Variants in MAGI2 observed in about 807,000 individuals in gnomAD.
MAGI2 encodes membrane associated guanylate kinase, WW and PDZ domain containing 2.
Under a neutral mutation model 133.3 loss-of-function variants are expected in MAGI2, and 35 were observed. The observed-to-expected ratio is 0.26, with a 90% CI of 0.20 to 0.35. MAGI2 has a LOEUF of 0.35. Among genes scored for constraint, MAGI2 ranks in the 10% least tolerant of loss-of-function variants. The pLI is 1.00. For synonymous variants in MAGI2, 729 were observed against 710.6 expected (o/e 1.03, Z -0.41); for missense variants, 1,636 against 1,863.4 (o/e 0.88, Z 2.25).
chr7:78,686,560 G>A (rs1216733947), intron 2 of MAGI2, among the ~76,000 whole-genome samples: 48 of 136,550 alleles, frequency 3.5e-4, no homozygotes, highest in Admixed American at 4.4e-4. Flanking sequence ...GAGGAAAGTG[G>A]AAAAAAAAAA....
rs4730752 is a variant in MAGI2, at chr7:79,275,255, A to C, written c.301+177765T>G. ...AGGAAAAGTTCTTGAAGAAAATTTA[A>C]AGTGCTACTCCAGTGAACATACAAA... On this transcript the variant is annotated intron_variant, in intron 1 of 21. Coordinates refer to ENST00000354212, the MANE Select transcript of MAGI2 (RefSeq NM_012301.4). 7.9e-5 allele frequency among the ~76,000 whole-genome samples: 12 copies of C among 152,308 alleles called. No individual in the cohort carries two copies. In the East Asian group the frequency reaches 1.7e-3, roughly 22 times the overall value.
chr7:78,889,661 T>C (rs1796573848), intron 2 of MAGI2, among the ~76,000 whole-genome samples: 1 of 152,144 alleles, frequency 6.6e-6, no homozygotes, highest in Non-Finnish European at 1.5e-5. Context: ...TAAAATACTT[T>C]ACAGACAAGC....
intron 3 of MAGI2, among the ~76,000 whole-genome samples, chr7:78,547,915 A>G (rs954390028): frequency 2.6e-5 from 4 of 152,234 alleles, no homozygotes; most frequent in Non-Finnish European, 5.9e-5. Flanking sequence ...ATTTCAATGG[A>G]CTGACCTTAG....
At chr7:79,261,179 C>A (rs1240344991) in intron 1 of MAGI2, among the ~76,000 whole-genome samples, 1 of 152,140 alleles carries the variant, frequency 6.6e-6, no homozygotes, top group African/African-American at 2.4e-5. Flanking sequence ...AGCCCAAGAA[C>A]CTGGATTGAA....
intron 16 of MAGI2, among the ~76,000 whole-genome samples, chr7:78,145,934 A>C (rs1823270397): frequency 6.6e-6 from 1 of 152,094 alleles, no homozygotes; most frequent in South Asian, 2.1e-4. Flanking sequence ...AAGCACCATC[A>C]CATTGGGAAT....
intron 2 of MAGI2, among the ~76,000 whole-genome samples, chr7:78,972,699 T>G (rs933341760): frequency 2.0e-5 from 3 of 151,916 alleles, no homozygotes; most frequent in Non-Finnish European, 4.4e-5. Flanking sequence ...ATCTACAAAT[T>G]TTGTTATAAA....
chr7:78,220,729 C>A (rs1042448016), intron 10 of MAGI2, among the ~76,000 whole-genome samples: 1 of 152,120 alleles, frequency 6.6e-6, no homozygotes, highest in Non-Finnish European at 1.5e-5. Flanking sequence ...TTTGCCCAAA[C>A]GCATCCATTT....
At chr7:78,578,514 A>G (rs769280674) in intron 3 of MAGI2, among the ~76,000 whole-genome samples, 34 of 152,328 alleles carry the variant, frequency 2.2e-4, no homozygotes, top group Non-Finnish European at 4.4e-4. Flanking sequence ...AAAAGGCAAA[A>G]GAGGAAGAAC....
At chr7:78,070,598 ATATATGTG>A (rs373514772) in intron 21 of MAGI2, among the ~76,000 whole-genome samples, 54,503 of 130,718 alleles carry the variant, frequency 0.42, 11,820 homozygotes, top group East Asian at 0.64. Flanking sequence ...ATATATGTGT[ATATATGTG>A]TATATATATA....
intron 1 of MAGI2, among the ~76,000 whole-genome samples, chr7:79,401,920 G>A (rs891790729): frequency 1.3e-5 from 2 of 152,020 alleles, no homozygotes; most frequent in Non-Finnish European, 2.9e-5. Flanking sequence ...TTTAATTAAA[G>A]TATGCCTCAA....
chr7:78,931,858 G>T (rs545187629), intron 2 of MAGI2, among the ~76,000 whole-genome samples: 15 of 152,016 alleles, frequency 9.9e-5, no homozygotes, highest in Non-Finnish European at 1.9e-4. Context: ...CTACTTTTAA[G>T]TACAGGTTGA....
intron 2 of MAGI2, among the ~76,000 whole-genome samples, chr7:78,909,445 C>A (rs201287997): frequency 0.031 from 4,116 of 130,828 alleles, 80 homozygotes; most frequent in Non-Finnish European, 0.05. Flanking sequence ...AAAAAAAAAA[C>A]AAAAAAAATT....
At chr7:79,190,391 T>C (rs564118918) in intron 1 of MAGI2, among the ~76,000 whole-genome samples, 1 of 152,022 alleles carries the variant, frequency 6.6e-6, no homozygotes, top group African/African-American at 2.4e-5. Flanking sequence ...TGAGCATCGT[T>C]TCATATGCTT....
intron 20 of MAGI2, among the ~76,000 whole-genome samples, chr7:78,123,533 C>T (rs937650612): frequency 2.6e-5 from 4 of 152,266 alleles, no homozygotes; most frequent in East Asian, 1.9e-4. Context: ...TACTTGAACA[C>T]GGGCAGTGCG....
chr7:78,732,033 G>A (rs1821411631), intron 2 of MAGI2, among the ~76,000 whole-genome samples: 1 of 151,938 alleles, frequency 6.6e-6, no homozygotes, highest in Admixed American at 6.6e-5. Context: ...TTAAAAGCAA[G>A]CAATAAAACA....
rs886651578 is a variant in MAGI2 at position 79,284,287 on chromosome 7, C to A, written c.301+168733G>T. 1.3e-5 allele frequency among the ~76,000 whole-genome samples: 2 copies of A among 152,022 alleles called. 1 individual carries two copies. The highest frequency in any genetic ancestry group is 2.9e-5 in the Non-Finnish European group (2 of 67,962). ...TCCATGATAGCTGGAATCTTCAGAGCCCAACTCATTCCCATAATAAATCCA... is the reference window on the plus strand; with the variant it reads ...TCCATGATAGCTGGAATCTTCAGAGACCAACTCATTCCCATAATAAATCCA... On this transcript the variant is annotated intron_variant, in intron 1 of 21. Coordinates refer to ENST00000354212, the MANE Select transcript of MAGI2 (RefSeq NM_012301.4).
At chr7:78,124,821 A>G (rs974254802) in intron 20 of MAGI2, among the ~76,000 whole-genome samples, 1 of 151,728 alleles carries the variant, frequency 6.6e-6, no homozygotes, top group African/African-American at 2.4e-5. Flanking sequence ...AAATGAAAAA[A>G]TCTACTCTTA....
At chr7:78,727,258 A>AAG (rs1249849493) in intron 2 of MAGI2, among the ~76,000 whole-genome samples, 1 of 151,714 alleles carries the variant, frequency 6.6e-6, no homozygotes, top group Non-Finnish European at 1.5e-5. Flanking sequence ...TGTGGTATGG[A>AAG]AGAGAGAGAG....
intron 3 of MAGI2, among the ~76,000 whole-genome samples, chr7:78,550,322 T>C (rs968401822): frequency 2.6e-5 from 4 of 152,172 alleles, no homozygotes; most frequent in Admixed American, 6.6e-5. Flanking sequence ...ATCAATCCTA[T>C]CTGCCACTCA....
Sources: allele counts gnomAD v4.1 joint callset (sites outside exome capture counted in the v4.1 genomes callset), GRCh38; gene constraint gnomAD v4.1.1; transcripts MANE v1.5; gene names NCBI Gene and HGNC (gene_info 2026-07-23, HGNC 2026-07-21).